Variants in RPH3A observed in about 807,000 individuals in gnomAD.
RPH3A encodes rabphilin 3A.
RPH3A carries 48 observed loss-of-function variants against 102.2 expected under a neutral mutation model. The observed-to-expected ratio is 0.47, with a 90% CI of 0.37 to 0.60. The LOEUF (loss-of-function observed/expected upper bound fraction) is 0.60, where lower values mean the gene tolerates loss of function less well. Among genes scored for constraint, RPH3A ranks in the 20% least tolerant of loss-of-function variants. The pLI is 0.00. For missense variants in RPH3A, 781 were observed against 910.1 expected (o/e 0.86, Z 1.83); for synonymous variants, 310 against 324.3 (o/e 0.96, Z 0.47).
At chr12:112,873,729 T>C (rs745418683) in intron 10 of RPH3A, 3 of 152,204 alleles carry the variant, frequency 2.0e-5, no homozygotes, top group Non-Finnish European at 2.9e-5. Flanking sequence ...GGGAGCACAA[T>C]ACCATGCATG....
intron 4 of RPH3A, among the ~76,000 whole-genome samples, chr12:112,838,825 A>G (rs1447182718): frequency 6.6e-6 from 1 of 152,030 alleles, no homozygotes; most frequent in Non-Finnish European, 1.5e-5. Context: ...TTTGTATTTC[A>G]GGGGGAAACA....
At chr12:112,837,260 C>G (rs939753693) in intron 4 of RPH3A, among the ~76,000 whole-genome samples, 1 of 152,170 alleles carries the variant, frequency 6.6e-6, no homozygotes, top group Admixed American at 6.5e-5. Context: ...AAAATAGGCA[C>G]AATAACCCTG....
intron 1 of RPH3A, among the ~76,000 whole-genome samples, chr12:112,755,703 A>G (rs2040818938): frequency 6.6e-6 from 1 of 152,078 alleles, no homozygotes; most frequent in South Asian, 2.1e-4. Context: ...CAGCTGAGAG[A>G]AGAGCCGCCC....
At chr12:112,731,203 G>A (rs1189357394) in intron 1 of RPH3A, among the ~76,000 whole-genome samples, 1 of 151,592 alleles carries the variant, frequency 6.6e-6, no homozygotes, top group Non-Finnish European at 1.5e-5. Flanking sequence ...GTGTGTGTGT[G>A]TGTGGATCAG....
intron 1 of RPH3A, among the ~76,000 whole-genome samples, chr12:112,729,120 G>A: frequency 6.6e-6 from 1 of 151,918 alleles, no homozygotes; most frequent in Non-Finnish European, 1.5e-5. Flanking sequence ...ACCAGTCTTA[G>A]TTGGTCTGAT....
At chr12:112,731,509 A>G (rs924320473) in intron 1 of RPH3A, among the ~76,000 whole-genome samples, 1 of 152,206 alleles carries the variant, frequency 6.6e-6, no homozygotes, top group African/African-American at 2.4e-5. Context: ...AAGCTTAATC[A>G]CCTGTGAATG....
chr12:112,601,350 C>G (rs1197144681), intron 1 of RPH3A, among the ~76,000 whole-genome samples: 1 of 152,078 alleles, frequency 6.6e-6, no homozygotes, highest in Non-Finnish European at 1.5e-5. Context: ...AAAACAGGAG[C>G]CTTCAACAGT....
chr12:112,660,021 A>G (rs1349753186), intron 1 of RPH3A, among the ~76,000 whole-genome samples: 1 of 152,180 alleles, frequency 6.6e-6, no homozygotes, highest in African/African-American at 2.4e-5. Flanking sequence ...ATATTGGGGT[A>G]TTGCTTTTTC....
At chr12:112,826,263 G>T (rs922854728) in intron 2 of RPH3A, among the ~76,000 whole-genome samples, 4 of 152,194 alleles carry the variant, frequency 2.6e-5, no homozygotes, top group African/African-American at 9.6e-5. Flanking sequence ...TGGGGATGTT[G>T]AGGGAGCAGC....
intron 18 of RPH3A, 88 bp from the exon 19 acceptor site, chr12:112,890,761 C>T (rs1453872407): frequency 6.9e-7 from 1 of 1,442,454 alleles, no homozygotes; most frequent in Admixed American, 2.0e-5. Flanking sequence ...CTTCGCCTGC[C>T]CTTCATAGGT....
intron 2 of RPH3A, among the ~76,000 whole-genome samples, chr12:112,794,444 G>A (rs1311458732): frequency 6.6e-5 from 10 of 152,188 alleles, no homozygotes; most frequent in Non-Finnish European, 1.5e-4. Context: ...GGAGTCTCTT[G>A]TGAGAACTTT....
At chr12:112,730,302 A>G (rs952425506) in intron 1 of RPH3A, among the ~76,000 whole-genome samples, 6 of 152,246 alleles carry the variant, frequency 3.9e-5, no homozygotes, top group African/African-American at 1.4e-4. Context: ...GAGATGCACC[A>G]TTAGACTTGC....
At chr12:112,853,305 C>CTA (rs2136198310) in intron 5 of RPH3A, among the ~76,000 whole-genome samples, 1 of 152,314 alleles carries the variant, frequency 6.6e-6, no homozygotes, top group Non-Finnish European at 1.5e-5. Flanking sequence ...CTTCAACATT[C>CTA]TATGGATGGG....
At chr12:112,752,054 G>A (rs1002687834) in intron 1 of RPH3A, among the ~76,000 whole-genome samples, 1 of 152,186 alleles carries the variant, frequency 6.6e-6, no homozygotes, top group Non-Finnish European at 1.5e-5. Flanking sequence ...TTGGGGACAG[G>A]ATGTGGTATT....
intron 2 of RPH3A, among the ~76,000 whole-genome samples, chr12:112,827,907 G>A (rs9705404): frequency 5.7e-4 from 40 of 70,400 alleles, no homozygotes; most frequent in South Asian, 1.1e-3. Context: ...AAAAAAAAAA[G>A]GGAAAAAAAA....
intron 4 of RPH3A, chr12:112,837,679 T>C (rs2042075614): frequency 2.2e-6 from 1 of 447,838 alleles, no homozygotes; most frequent in Non-Finnish European, 4.5e-6. Flanking sequence ...CATGAATATA[T>C]TATTCAGACA....
chr12:112,748,281 T>C (rs964338030), intron 1 of RPH3A, among the ~76,000 whole-genome samples: 1 of 152,142 alleles, frequency 6.6e-6, no homozygotes, highest in African/African-American at 2.4e-5. Context: ...TACATTGGAA[T>C]CATGCGGAAT....
intron 1 of RPH3A, among the ~76,000 whole-genome samples, chr12:112,743,888 C>T (rs2136056198): frequency 6.6e-6 from 1 of 152,260 alleles, no homozygotes; most frequent in African/African-American, 2.4e-5. Flanking sequence ...TTCTGATTTG[C>T]CTCCATCAAC....
In RPH3A at chr12:112,775,780, G is replaced by T. The variant is rs1353743779; in HGVS notation, c.-139-16363G>T. On this transcript the variant is annotated intron_variant, in intron 1 of 21. Transcript: ENST00000543106. The stretch of plus-strand genomic sequence containing the variant: ...GCTAAAAGATAAAGATAAAAAATGG[G>T]GCAGTGGTGGTAGGGGGAAATCCAG... 2.6e-5 allele frequency among the ~76,000 whole-genome samples: 4 copies of T among 152,136 alleles called. No individual in the cohort carries two copies. In the South Asian group the frequency reaches 6.2e-4, roughly 24 times the overall value.
Sources: allele counts gnomAD v4.1 joint callset (sites outside exome capture counted in the v4.1 genomes callset), GRCh38; gene constraint gnomAD v4.1.1; transcripts MANE v1.5; gene names NCBI Gene and HGNC (gene_info 2026-07-23, HGNC 2026-07-21).